Variants in TBXAS1 observed in about 807,000 individuals in gnomAD.
TBXAS1 encodes the protein thromboxane-A synthase.
TBXAS1 carries 48 observed loss-of-function variants against 60.7 expected under a neutral mutation model. That is an observed-to-expected ratio of 0.79 (90% CI 0.63 to 1.01). The LOEUF (loss-of-function observed/expected upper bound fraction) is 1.01. Among genes scored for constraint, TBXAS1 ranks in the 50% least tolerant of loss-of-function variants. The pLI is 0.00. For missense variants in TBXAS1, 685 were observed against 686.3 expected, an observed-to-expected ratio of 1.00 and a Z score of 0.02; for synonymous variants, 287 against 269.7, an observed-to-expected ratio of 1.06 and a Z score of -0.63.
At chr7:139,809,233 T>TAGATAGATGATA (rs1554466810) in intron 4 of TBXAS1, among the ~76,000 whole-genome samples, 1,974 of 130,936 alleles carry the variant, frequency 0.015, 25 homozygotes, top group Admixed American at 0.044. Context: ...GATAGATAGA[T>TAGATAGATGATA]GATAGATAGA....
At chr7:139,834,325 G>A (rs1217998579) in intron 1 of TBXAS1, among the ~76,000 whole-genome samples, 1 of 152,112 alleles carries the variant, frequency 6.6e-6, no homozygotes, top group Non-Finnish European at 1.5e-5. Flanking sequence ...GTGCTAAGAG[G>A]AAAGTTCATA....
intron 3 of TBXAS1, among the ~76,000 whole-genome samples, chr7:139,784,981 G>A (rs1797141528): frequency 6.6e-6 from 1 of 152,150 alleles, no homozygotes; most frequent in Non-Finnish European, 1.5e-5. Flanking sequence ...CATCGAAGGG[G>A]CTTTCTAAGG....
In TBXAS1 at chr7:139,837,649, G is replaced by A. The variant is rs186776503; in HGVS notation, c.89+8170G>A. Among the ~76,000 whole-genome samples the A allele has an allele frequency of 4.8e-4, 73 of 152,258 alleles. No individual in the cohort carries two copies. The Middle Eastern group carries it at 0.01, about 21-fold the overall frequency. On this transcript the variant is annotated intron_variant, in intron 1 of 12. Coordinates refer to ENST00000448866, the MANE Select transcript of TBXAS1 (RefSeq NM_001061.7). ...GCATAAGAATGATACAATGGACTTT[G>A]GGGACTTGGAGGGAAGTATGAGAGG...
chr7:140,001,778 C>T (rs552988504), intron 9 of TBXAS1, among the ~76,000 whole-genome samples: 7 of 152,268 alleles, frequency 4.6e-5, no homozygotes, highest in African/African-American at 1.4e-4. Context: ...CATCAAATAT[C>T]CTGTTGGATT....
intron 4 of TBXAS1, among the ~76,000 whole-genome samples, chr7:139,810,046 T>A (rs1481672522): frequency 6.6e-6 from 1 of 152,162 alleles, no homozygotes; most frequent in East Asian, 1.9e-4. Flanking sequence ...TTAACTTTTT[T>A]TTTTTTTTGA....
intron 4 of TBXAS1, among the ~76,000 whole-genome samples, chr7:139,802,055 C>T (rs2159484): frequency 0.58 from 87,848 of 152,094 alleles, 25,998 homozygotes; most frequent in East Asian, 0.95. Context: ...TGAGCCACCA[C>T]GTCCAGTCAC....
At chr7:139,886,386 ATTTTT>A (rs8192818) in intron 3 of TBXAS1, among the ~76,000 whole-genome samples, 5 of 99,640 alleles carry the variant, frequency 5.0e-5, no homozygotes, top group East Asian at 5.4e-4. Flanking sequence ...TTGCAGATGA[ATTTTT>A]TTTTTTTTTT....
intron 1 of TBXAS1, among the ~76,000 whole-genome samples, chr7:139,836,327 C>T (rs118066618): frequency 0.12 from 17,890 of 152,072 alleles, 1,075 homozygotes; most frequent in Non-Finnish European, 0.13. Flanking sequence ...TTCTAAAATT[C>T]ATACAGAACT....
At chr7:139,847,064 A>G (rs995764882) in intron 1 of TBXAS1, among the ~76,000 whole-genome samples, 96 of 152,132 alleles carry the variant, frequency 6.3e-4, no homozygotes, top group African/African-American at 2.2e-3. Context: ...ACCAACATAT[A>G]TTGCTATTAG....
intron 9 of TBXAS1, among the ~76,000 whole-genome samples, chr7:139,968,831 A>T (rs1278182433): frequency 6.6e-6 from 1 of 152,184 alleles, no homozygotes; most frequent in Non-Finnish European, 1.5e-5. Context: ...TCAATAGTGG[A>T]TGGGTGGGAA....
chr7:139,985,692 T>C (rs1192474022), intron 9 of TBXAS1, among the ~76,000 whole-genome samples: 1 of 152,220 alleles, frequency 6.6e-6, no homozygotes, highest in Non-Finnish European at 1.5e-5. Flanking sequence ...TGATTTCACG[T>C]CTGTTGATGG....
intron 1 of TBXAS1, among the ~76,000 whole-genome samples, chr7:139,859,150 C>T (rs1404497890): frequency 6.6e-6 from 1 of 151,750 alleles, no homozygotes; most frequent in Non-Finnish European, 1.5e-5. Flanking sequence ...GCTGGGATTA[C>T]AGGCGTGAGC....
intron 4 of TBXAS1, among the ~76,000 whole-genome samples, chr7:139,932,933 T>C (rs991612521): frequency 6.6e-6 from 1 of 152,104 alleles, no homozygotes; most frequent in Non-Finnish European, 1.5e-5. Flanking sequence ...GGCATGTACC[T>C]CTAGTCCCAG....
intron 1 of TBXAS1, among the ~76,000 whole-genome samples, chr7:139,840,593 C>T (rs1267543744): frequency 1.3e-5 from 2 of 152,102 alleles, no homozygotes; most frequent in Non-Finnish European, 2.9e-5. Flanking sequence ...CCCTTGAAAA[C>T]GGCGGTCGGA....
At chr7:139,861,379 A>G (rs1005594644) in intron 1 of TBXAS1, among the ~76,000 whole-genome samples, 1 of 150,118 alleles carries the variant, frequency 6.7e-6, no homozygotes, top group Non-Finnish European at 1.5e-5. Context: ...TACTACAGGC[A>G]TGCACCACCA....
chr7:139,825,070 C>A (rs990091167), upstream of TBXAS1, among the ~76,000 whole-genome samples: 1 of 151,958 alleles, frequency 6.6e-6, no homozygotes, highest in Non-Finnish European at 1.5e-5. Context: ...CTCTGGTGAT[C>A]CACCTGCCTC....
chr7:140,006,201 C>T (rs1027659859), intron 9 of TBXAS1, among the ~76,000 whole-genome samples: 18 of 152,236 alleles, frequency 1.2e-4, no homozygotes, highest in Non-Finnish European at 2.5e-4. Context: ...AGACCATCAC[C>T]TACCAACCAG....
chr7:139,904,538 G>A (rs1804821169), intron 3 of TBXAS1, among the ~76,000 whole-genome samples: 1 of 152,194 alleles, frequency 6.6e-6, no homozygotes, highest in Non-Finnish European at 1.5e-5. Flanking sequence ...GCTTTTGGCA[G>A]TATGATCATT....
chr7:139,814,715 A>G (rs1403254309), intron 4 of TBXAS1, among the ~76,000 whole-genome samples: 1 of 152,200 alleles, frequency 6.6e-6, no homozygotes, highest in Non-Finnish European at 1.5e-5. Flanking sequence ...TTTCAAGCAG[A>G]GACCAGGTAC....
Sources: allele counts gnomAD v4.1 joint callset (sites outside exome capture counted in the v4.1 genomes callset), GRCh38; gene constraint gnomAD v4.1.1; transcripts MANE v1.5; gene names NCBI Gene and HGNC (gene_info 2026-07-23, HGNC 2026-07-21).